The following SPEG variants were observed in gnomAD, a reference collection of about 807,000 sequenced individuals.
SPEG encodes the protein striated muscle enriched protein kinase.
A neutral mutation model predicts 300.4 loss-of-function variants in SPEG; 114 were observed. The observed-to-expected ratio is 0.38, with a 90% CI of 0.33 to 0.44. SPEG has a LOEUF of 0.44. SPEG is among the 20% of genes least tolerant of loss of function. The pLI is 1.00. For synonymous variants in SPEG, 1,964 were observed against 2,018.9 expected, an observed-to-expected ratio of 0.97 and a Z score of 0.73; for missense variants, 4,201 against 4,586.2, an observed-to-expected ratio of 0.92 and a Z score of 2.43.
In SPEG at chr2:219,483,767, C is replaced by T. The variant is rs766934083; in HGVS notation, c.6304C>T (p.Pro2102Ser). 104 of 1,550,372 alleles carry T rather than the reference C, an allele frequency of 6.7e-5. No homozygotes were observed. In the East Asian group the frequency reaches 1.1e-3, roughly 16 times the overall value. ...LESLGGRARD[P>S]RMARAASSEA... ...GAGCCTGGGGGGCCGTGCTCGGGAC[C>T]CCCGGATGGCACGAGCTGCCTCCAG... is the stretch of plus-strand genomic sequence containing the variant. Residue 2102 changes from proline (P) to serine (S), a missense_variant, in exon 30 of 41, where the codon CCC becomes TCC. Pro to Ser is a moderately conservative substitution (Grantham distance 74). Transcript: ENST00000312358.
At position 219,483,865 on chromosome 2, in the gene SPEG, T is replaced by C; in HGVS notation, c.6402T>C (p.Gly2134=). Residue 2134 remains glycine (G), a synonymous_variant, in exon 30 of 41, where the codon GGT becomes GGC. Transcript: ENST00000312358. The part of the protein sequence containing the change: ...GLQKSSSFSQ[G]EAEPRGRHRR... ...AAAAGAGCAGCAGCTTCTCCCAGGGTGAGGCGGAGCCCCGGGGCCGGCACC... is the reference window on the plus strand; with the variant it reads ...AAAAGAGCAGCAGCTTCTCCCAGGGCGAGGCGGAGCCCCGGGGCCGGCACC... 5 of 1,594,792 alleles carry C rather than the reference T, an allele frequency of 3.1e-6. No homozygotes were observed. The highest frequency in any genetic ancestry group is 3.4e-6 in the Non-Finnish European group (4 of 1,176,158).
At position 219,484,515 on chromosome 2, in the gene SPEG, T is replaced by G; in HGVS notation, c.7052T>G (p.Leu2351Arg). The G allele has an allele frequency of 6.2e-7, 1 of 1,601,194 alleles. No homozygotes were observed. The highest frequency in any genetic ancestry group is 8.5e-7 in the Non-Finnish European group (1 of 1,176,380). The change falls in exon 30 of 41, where the codon CTG becomes CGG. Residue 2351 changes from leucine (L) to arginine (R), a missense_variant. Physicochemically the swap from Leu to Arg is moderately radical, Grantham distance 102. This residue lies in a region of SPEG where 1,578 missense variants were observed against 1,506.0 expected (regional missense o/e 1.05). Coordinates refer to ENST00000312358, the MANE Select transcript of SPEG (RefSeq NM_005876.5). ...RESPLSLGLR[L>R]LSRSRSEERG... Reference sequence around the variant, plus strand: ...TCGCCCCTGTCGCTGGGGCTGCGGCTGCTGAGCCGTTCGCGCTCGGAGGAG... The same window carrying G: ...TCGCCCCTGTCGCTGGGGCTGCGGCGGCTGAGCCGTTCGCGCTCGGAGGAG...
At position 219,444,674 on chromosome 2, in the gene SPEG, ACAT is replaced by A. The variant is rs1190112442; in HGVS notation, c.413_415del (p.Ile138del). The A allele has an allele frequency of 6.2e-7, 1 of 1,614,016 alleles. No homozygotes were observed. Among genetic ancestry groups the A allele is most frequent in the Non-Finnish European group, 8.5e-7 (1 of 1,179,914 alleles). ...CCAGACTCAGAGACGGCTGAGGATG[ACAT>A]CAGCGATGTGCAGGGAACCCAGCGC... On this transcript the variant is annotated inframe_deletion, in exon 2 of 41. Coordinates refer to ENST00000312358, the MANE Select transcript of SPEG (RefSeq NM_005876.5). This position sits in a 1 kb window ranked among gnomAD's most constrained non-coding sequence, Gnocchi z 7.8.
Position 219,479,333 on chromosome 2 carries a change from G to T in SPEG, c.5085+132G>T. ...GCCAGGGGTGGAGGTGGAGAGCACT[G>T]TTAGGTAGGCAGCAGAGTCCCCACC... On this transcript the variant is annotated intron_variant, in intron 23 of 40. Transcript: ENST00000312358. The surrounding 1 kb of genome is among the most constrained non-coding windows in gnomAD (Gnocchi z 5.5). The T allele has an allele frequency of 1.4e-6, 1 of 710,722 alleles. No homozygotes were observed. Among genetic ancestry groups the T allele is most frequent in the Non-Finnish European group, 2.5e-6 (1 of 399,702 alleles). 44.0% of individuals were successfully genotyped at this position (710,722 alleles called of 1,614,324 possible).
intron 6 of SPEG, chr2:219,461,038 G>A (rs1179406384): frequency 8.4e-6 from 8 of 950,896 alleles, no homozygotes; most frequent in East Asian, 1.2e-4. Context: ...GGGGTGGGGG[G>A]ACCCTGGGGA....
chr2:219,472,661 G>A (rs1691988115), intron 15 of SPEG, among the ~76,000 whole-genome samples: 1 of 152,174 alleles, frequency 6.6e-6, no homozygotes, highest in Non-Finnish European at 1.5e-5. Flanking sequence ...CAAGGAATTA[G>A]AGTTCAATTC....
intron 18 of SPEG, among the ~76,000 whole-genome samples, chr2:219,476,085 A>G (rs1029707177): frequency 2.6e-5 from 4 of 152,094 alleles, no homozygotes; most frequent in African/African-American, 9.7e-5. Context: ...TGCAAAGCAC[A>G]TTGCAATGTG....
In SPEG at chr2:219,444,952, G is replaced by A. The variant is rs760833103; in HGVS notation, c.606G>A (p.Gly202=). 44 of 1,597,034 alleles carry A rather than the reference G, an allele frequency of 2.8e-5. No individual in the cohort carries two copies. Among genetic ancestry groups the A allele is most frequent in the Non-Finnish European group, 5.1e-6 (6 of 1,172,074 alleles). ...QTVLEQEAGS[G]GGTRRLPGSP... is the part of the protein sequence containing the mutation. ...TCCTGGAGCAGGAAGCGGGCAGTGG[G>A]GGTGGCACCCGCCGCCTCCCGGGCA... Residue 202 remains glycine, a synonymous_variant, in exon 3 of 41, where the codon GGG becomes GGA. Transcript: ENST00000312358. The surrounding 1 kb of genome is among the most constrained non-coding windows in gnomAD (Gnocchi z 7.8).
In SPEG at chr2:219,473,294, G is replaced by C. The variant is rs1692054903; in HGVS notation, c.4147+198G>C. 4.0e-6 allele frequency: 3 copies of C among 745,832 alleles called. No individual in the cohort carries two copies. The South Asian group carries it at 5.5e-5, about 14-fold the overall frequency. 46.2% of individuals were successfully genotyped at this position (745,832 alleles called of 1,614,324 possible). ...GCACGGTGGCTGAAGCTCAGGCTTT[G>C]GGATCGGGCCTGCTGGGGTCCAACC... On this transcript the variant is annotated intron_variant, in intron 16 of 40. Transcript: ENST00000312358. The surrounding 1 kb of genome is among the most constrained non-coding windows in gnomAD (Gnocchi z 4.6).
chr2:219,491,068 A>T, intron 38 of SPEG, 112 bp downstream of exon 38: 1 of 765,390 alleles, frequency 1.3e-6, no homozygotes, highest in East Asian at 2.7e-5. Context: ...TGATTACTGT[A>T]TTCAAGCAAT....
chr2:219,476,815 G>A (rs1692385948), intron 18 of SPEG, 55 bp from the exon 19 acceptor site: 1 of 1,427,918 alleles, frequency 7.0e-7, no homozygotes, highest in East Asian at 2.3e-5. Context: ...GAGGAGGCAG[G>A]GTAAAGCCAG....
At position 219,492,082 on chromosome 2, in the gene SPEG, T is replaced by C. The variant is rs764479586; in HGVS notation, c.9462-29T>C. On this transcript the variant is annotated intron_variant, in intron 39 of 40. Transcript: ENST00000312358. ...TCTGGGTGTTGGCCTCCGGTCTGCATACGTCAATCAAGCTATCTTCCCCAA... is the reference window on the plus strand; with the variant it reads ...TCTGGGTGTTGGCCTCCGGTCTGCACACGTCAATCAAGCTATCTTCCCCAA... 1.2e-6 allele frequency: 2 copies of C among 1,602,304 alleles called. 1 individual carries two copies. The highest frequency in any genetic ancestry group is 2.2e-5 in the South Asian group (2 of 89,928).
At chr2:219,470,948 T>TTACTGTGTGTATTTGG (rs140604046) in intron 13 of SPEG, among the ~76,000 whole-genome samples, 46,745 of 151,958 alleles carry the variant, frequency 0.31, 7,732 homozygotes, top group South Asian at 0.44. Context: ...TATTTGGTAC[T>TTACTGTGTGTATTTGG]TACTGTGTGT....
chr2:219,490,404 C>A lies in SPEG; in HGVS notation c.8922-5C>A, dbSNP rs770820761. 23 of 1,607,800 alleles carry A rather than the reference C, an allele frequency of 1.4e-5. No individual in the cohort carries two copies. The highest frequency in any genetic ancestry group is 3.3e-5 in the Admixed American group (2 of 59,888). On this transcript the variant is annotated splice_region_variant and splice_polypyrimidine_tract_variant and intron_variant, in intron 36 of 40. Coordinates refer to ENST00000312358, the MANE Select transcript of SPEG (RefSeq NM_005876.5). ...GCCGGTGGTGTCCCTCCCCCCGACA[C>A]ACAGGGGCCGCTTTGGTGTTGTGCG...
chr2:219,480,814 G>T lies in SPEG; in HGVS notation c.5369+117G>T. On this transcript the variant is annotated intron_variant, in intron 26 of 40. Coordinates refer to ENST00000312358, the MANE Select transcript of SPEG (RefSeq NM_005876.5). This position sits in a 1 kb window ranked among gnomAD's most constrained non-coding sequence, Gnocchi z 5.3. ...CCCCCACTCCTTCTTGCACTGCAAG[G>T]AGCCTCATGTGCATGAAGGTGGACA... The T allele has an allele frequency of 1.0e-6, 1 of 979,798 alleles. No individual in the cohort carries two copies. The highest frequency in any genetic ancestry group is 1.3e-5 in the South Asian group (1 of 75,110). 60.7% of individuals were successfully genotyped at this position (979,798 alleles called of 1,614,324 possible).
rs201319184 is a variant in SPEG at position 219,490,399 on chromosome 2, C to T, written c.8922-10C>T. ...TCTGAGCCGGTGGTGTCCCTCCCCC[C>T]GACACACAGGGGCCGCTTTGGTGTT... is the stretch of plus-strand genomic sequence containing the variant. On this transcript the variant is annotated splice_polypyrimidine_tract_variant and intron_variant, in intron 36 of 40. Transcript: ENST00000312358. The T allele has an allele frequency of 2.1e-5, 34 of 1,605,856 alleles. No individual in the cohort carries two copies. Among genetic ancestry groups the T allele is most frequent in the African/African-American group, 6.7e-5 (5 of 74,794 alleles).
rs1003117802 is a variant in SPEG at position 219,473,483 on chromosome 2, C to T, written c.4148-21C>T. On this transcript the variant is annotated intron_variant, in intron 16 of 40. Coordinates refer to ENST00000312358, the MANE Select transcript of SPEG (RefSeq NM_005876.5). The surrounding 1 kb of genome is among the most constrained non-coding windows in gnomAD (Gnocchi z 4.6). ...ACCTGATGTCAAGCCCAGCACAGAG[C>T]CTGCGCTCTCCTCCTCCCAGGCCCA... 1 of 1,612,868 alleles carries T rather than the reference C, an allele frequency of 6.2e-7. No homozygotes were observed. The highest frequency in any genetic ancestry group is 8.5e-7 in the Non-Finnish European group (1 of 1,179,520).
In SPEG at chr2:219,482,964, C is replaced by T. The variant is rs967253862; in HGVS notation, c.5634+112C>T. 4.1e-5 allele frequency: 57 copies of T among 1,400,010 alleles called. No homozygotes were observed. The African/African-American group carries it at 6.7e-4, about 16-fold the overall frequency. The allele number at this position is 1,400,010 out of a possible 1,614,324, so 86.7% of individuals were successfully genotyped here. A position where few individuals can be genotyped will look rare whatever the true frequency, so the allele number is the denominator to read the frequency against. On this transcript the variant is annotated intron_variant, in intron 29 of 40. Transcript: ENST00000312358. Reference sequence around the variant, plus strand: ...GCTCCTGTCTTCTCGCTTTCACTGGCTCCATGCCTAGCTTCCTGCCTGTTC... The same window carrying T: ...GCTCCTGTCTTCTCGCTTTCACTGGTTCCATGCCTAGCTTCCTGCCTGTTC...
At position 219,483,088 on chromosome 2, in the gene SPEG, C is replaced by T. The variant is rs1693015662; in HGVS notation, c.5635-10C>T. 1.9e-6 allele frequency: 3 copies of T among 1,602,184 alleles called. No homozygotes were observed. The highest frequency in any genetic ancestry group is 2.5e-6 in the Non-Finnish European group (3 of 1,177,388). ...GTCCCTCAGGTCTGACTCCAGTACCCTGTCTCCAGCGCTCCCAGATCAGCT... is the reference window on the plus strand; with the variant it reads ...GTCCCTCAGGTCTGACTCCAGTACCTTGTCTCCAGCGCTCCCAGATCAGCT... On this transcript the variant is annotated splice_polypyrimidine_tract_variant and intron_variant, in intron 29 of 40. Transcript: ENST00000312358.
Sources: allele counts gnomAD v4.1 joint callset (sites outside exome capture counted in the v4.1 genomes callset), GRCh38; gene constraint gnomAD v4.1.1; regional missense constraint gnomAD v4.1.1; non-coding constraint Gnocchi (gnomAD v3.1); transcripts MANE v1.5; gene names NCBI Gene and HGNC (gene_info 2026-07-23, HGNC 2026-07-21).